Variants in FNBP1 observed in about 807,000 individuals in gnomAD.
FNBP1 encodes formin-binding protein 1.
FNBP1 carries 26 observed loss-of-function variants against 90.6 expected under a neutral mutation model. The observed-to-expected ratio is 0.29, with a 90% CI of 0.21 to 0.40. The LOEUF (loss-of-function observed/expected upper bound fraction) is 0.40, where lower values mean the gene tolerates loss of function less well. Among genes scored for constraint, FNBP1 ranks in the 10% least tolerant of loss-of-function variants. FNBP1 has a pLI of 1.00. For missense variants in FNBP1, 635 were observed against 768.0 expected (o/e 0.83, Z 2.05); for synonymous variants, 260 against 265.2 (o/e 0.98, Z 0.19).
intron 1 of FNBP1, among the ~76,000 whole-genome samples, chr9:130,040,744 T>C (rs932419332): frequency 6.6e-6 from 1 of 151,984 alleles, no homozygotes; most frequent in African/African-American, 2.4e-5. Context: ...AAATTACAAA[T>C]AGTTCACATC....
At position 129,978,513 on chromosome 9, in the gene FNBP1, A is replaced by G. The variant is rs756620156; in HGVS notation, c.297T>C (p.Ile99=). 6 of 1,613,670 alleles carry G rather than the reference A, an allele frequency of 3.7e-6. No homozygotes were observed. The highest frequency in any genetic ancestry group is 5.1e-6 in the Non-Finnish European group (6 of 1,179,744). Residue 99 remains isoleucine (I), a synonymous_variant, in exon 4 of 17, where the codon ATT becomes ATC. Transcript: ENST00000446176. ...CCTGAACATAGCGTGCCAAGTCCAC[A>G]ATGATCTGTGATGCCATGTTCTCGG... ...VISENMASQI[I]VDLARYVQEL...
intron 4 of FNBP1, among the ~76,000 whole-genome samples, chr9:129,965,725 T>TAGAC (rs2048480011): frequency 1.3e-5 from 1 of 74,454 alleles, no homozygotes; most frequent in African/African-American, 4.5e-5. Context: ...CACACACACA[T>TAGAC]AGAAAGAAAA....
In FNBP1 at chr9:130,042,691, G is replaced by A. The variant is rs2059942496; in HGVS notation, c.24+261C>T. On this transcript the variant is annotated intron_variant, in intron 1 of 16. Coordinates refer to ENST00000446176, the MANE Select transcript of FNBP1 (RefSeq NM_015033.3). This position sits in a 1 kb window ranked among gnomAD's most constrained non-coding sequence, Gnocchi z 5.5. ...CCCGCTCCGGGGCGCCGGGGACAGG[G>A]AGGCCCGCCCGCGCCGTTCCTCAGG... Among the ~76,000 whole-genome samples the A allele has an allele frequency of 6.6e-6, 1 of 151,696 alleles. No homozygotes were observed. The highest frequency in any genetic ancestry group is 2.1e-4 in the South Asian group (1 of 4,832).
chr9:130,035,338 G>A (rs1428956420), intron 1 of FNBP1, among the ~76,000 whole-genome samples: 2 of 152,180 alleles, frequency 1.3e-5, no homozygotes, highest in African/African-American at 4.8e-5. Context: ...AGATACAGAG[G>A]CCGAGCCATT....
intron 1 of FNBP1, among the ~76,000 whole-genome samples, chr9:130,038,621 T>C (rs2059561357): frequency 6.6e-6 from 1 of 152,050 alleles, no homozygotes; most frequent in Non-Finnish European, 1.5e-5. Context: ...GGTCTCAAAC[T>C]CCTGATGTCG....
At chr9:129,901,714 C>G (rs1428316100) in intron 13 of FNBP1, among the ~76,000 whole-genome samples, 2 of 152,064 alleles carry the variant, frequency 1.3e-5, no homozygotes, top group Non-Finnish European at 2.9e-5. Flanking sequence ...GAGTTCGAGA[C>G]CAGCCTGGCC....
rs573686773 is a variant in FNBP1 at position 130,005,062 on chromosome 9, CAAAAAAAAAA to C, written c.25-10114_25-10105del. The stretch of plus-strand genomic sequence containing the variant: ...GCCTGGTGACAGAGCAAGACTGTCT[CAAAAAAAAAA>C]AAAAAAAAAAAAAAAAGGCTGGGCA... On this transcript the variant is annotated intron_variant, in intron 1 of 16. Transcript: ENST00000446176. Among the ~76,000 whole-genome samples the C allele has an allele frequency of 1.3e-3, 120 of 92,786 alleles. 2 individuals carry two copies. The highest frequency in any genetic ancestry group is 1.7e-3 in the East Asian group (5 of 2,960). 60.9% of individuals were successfully genotyped at this position (92,786 alleles called of 152,430 possible). A position where few individuals can be genotyped will look rare whatever the true frequency, so the allele number is the denominator to read the frequency against.
At chr9:130,037,242 T>A (rs1344815498) in intron 1 of FNBP1, among the ~76,000 whole-genome samples, 1 of 151,472 alleles carries the variant, frequency 6.6e-6, no homozygotes, top group African/African-American at 2.4e-5. Context: ...GGCCTGCAGC[T>A]ACTCAGGAGG....
chr9:129,905,416 ACT>A (rs2131432302), intron 12 of FNBP1, among the ~76,000 whole-genome samples: 1 of 150,272 alleles, frequency 6.7e-6, no homozygotes, highest in East Asian at 2.0e-4. Context: ...GGTTCAAGCG[ACT>A]CTCCTGCCTC....
chr9:130,037,645 A>C (rs1407269440), intron 1 of FNBP1, among the ~76,000 whole-genome samples: 2 of 152,170 alleles, frequency 1.3e-5, no homozygotes, highest in Admixed American at 1.3e-4. Context: ...TAAAGGCAAA[A>C]AAGGTACTTA....
intron 2 of FNBP1, among the ~76,000 whole-genome samples, chr9:129,994,437 G>A (rs1171836423): frequency 2.0e-5 from 3 of 152,120 alleles, no homozygotes; most frequent in Non-Finnish European, 4.4e-5. Flanking sequence ...GGGGCCAGGG[G>A]GCCTGCCAGG....
At chr9:130,017,171 C>T (rs1246511048) in intron 1 of FNBP1, among the ~76,000 whole-genome samples, 1 of 152,176 alleles carries the variant, frequency 6.6e-6, no homozygotes, top group Non-Finnish European at 1.5e-5. Context: ...AGGAGTTCTT[C>T]AAGTCCCTGA....
intron 6 of FNBP1, among the ~76,000 whole-genome samples, chr9:129,943,998 A>AAAAAAAC (rs1476171277): frequency 9.3e-5 from 14 of 150,234 alleles, no homozygotes; most frequent in African/African-American, 2.9e-4. Flanking sequence ...ATCTCAAAAA[A>AAAAAAAC]AAAAAAAAAA....
chr9:129,976,139 G>C (rs576924167), intron 4 of FNBP1, among the ~76,000 whole-genome samples: 1 of 152,182 alleles, frequency 6.6e-6, no homozygotes, highest in South Asian at 2.1e-4. Flanking sequence ...TTAATGAATG[G>C]TCCAGCAGAA....
At chr9:129,987,002 G>A (rs1589092014) in intron 2 of FNBP1, among the ~76,000 whole-genome samples, 2 of 152,050 alleles carry the variant, frequency 1.3e-5, no homozygotes, top group East Asian at 3.9e-4. Context: ...TCAACTCCAA[G>A]GCATTGCTTA....
chr9:129,934,351 C>A (rs1261731511), intron 6 of FNBP1, among the ~76,000 whole-genome samples: 1 of 152,156 alleles, frequency 6.6e-6, no homozygotes, highest in African/African-American at 2.4e-5. Context: ...TGCAACGAGT[C>A]AGTGTCACAG....
chr9:130,029,934 T>C (rs1479996690), intron 1 of FNBP1, among the ~76,000 whole-genome samples: 5 of 151,816 alleles, frequency 3.3e-5, no homozygotes, highest in Middle Eastern at 3.4e-3. Context: ...CAGTGAGCCT[T>C]GATTGAGCCA....
At chr9:129,976,626 C>T (rs2050349970) in intron 4 of FNBP1, among the ~76,000 whole-genome samples, 1 of 152,156 alleles carries the variant, frequency 6.6e-6, no homozygotes, top group African/African-American at 2.4e-5. Context: ...CAGGCAGGTC[C>T]TAATCATCCC....
At chr9:129,955,535 CAAA>C (rs879542398) in intron 6 of FNBP1, among the ~76,000 whole-genome samples, 1 of 124,022 alleles carries the variant, frequency 8.1e-6, no homozygotes, top group Admixed American at 8.1e-5. Flanking sequence ...TACACCACAC[CAAA>C]AAAAAAAAAA....
Sources: allele counts gnomAD v4.1 joint callset (sites outside exome capture counted in the v4.1 genomes callset), GRCh38; gene constraint gnomAD v4.1.1; non-coding constraint Gnocchi (gnomAD v3.1); transcripts MANE v1.5; gene names NCBI Gene and HGNC (gene_info 2026-07-23, HGNC 2026-07-21).